CELF2: variants seen among roughly 807,000 people sequenced by gnomAD.
CELF2 encodes the protein CUGBP Elav-like family member 2, also known as CUG triplet repeat RNA-binding protein 2.
CELF2 carries 8 observed loss-of-function variants against 62.6 expected under a neutral mutation model. That is an observed-to-expected ratio of 0.13 (90% CI 0.07 to 0.23). The LOEUF (loss-of-function observed/expected upper bound fraction) is 0.23. Among genes scored for constraint, CELF2 ranks in the 10% least tolerant of loss-of-function variants. The pLI, the probability that CELF2 is intolerant of heterozygous loss-of-function variation, is 1.00. For synonymous variants in CELF2, 258 were observed against 250.0 expected (o/e 1.03, Z -0.30); for missense variants, 333 against 671.0 (o/e 0.50, Z 5.56).
At chr10:10,956,325 C>T (rs570650482) in intron 2 of CELF2, among the ~76,000 whole-genome samples, 24 of 152,262 alleles carry the variant, frequency 1.6e-4, no homozygotes, top group African/African-American at 5.8e-4. Context: ...CTTTAAAATG[C>T]TTTTCTGGAG....
chr10:10,705,803 A>G, the CELF2 span, among the ~76,000 whole-genome samples: 6 of 152,216 alleles, frequency 3.9e-5, no homozygotes, highest in Non-Finnish European at 7.3e-5. Context: ...ATTCACCTGT[A>G]GAAGTCTGTG....
the CELF2 span, among the ~76,000 whole-genome samples, chr10:10,593,664 G>A: frequency 6.6e-6 from 1 of 152,160 alleles, no homozygotes; most frequent in African/African-American, 2.4e-5. Context: ...ATACGCTAAG[G>A]AAATAGGACA....
At chr10:10,583,948 A>G in the CELF2 span, among the ~76,000 whole-genome samples, 2 of 152,156 alleles carry the variant, frequency 1.3e-5, no homozygotes, top group African/African-American at 2.4e-5. Flanking sequence ...AAGGTGTCTA[A>G]AAAGGATCCA....
intron 2 of CELF2, among the ~76,000 whole-genome samples, chr10:10,954,471 C>G (rs2135815979): frequency 6.6e-6 from 1 of 152,200 alleles, no homozygotes; most frequent in South Asian, 2.1e-4. Context: ...AGGTCCCGAA[C>G]TCCTGACCTT....
At chr10:10,862,500 T>A (rs908436997) in intron 1 of CELF2, among the ~76,000 whole-genome samples, 2 of 152,242 alleles carry the variant, frequency 1.3e-5, no homozygotes, top group Non-Finnish European at 2.9e-5. Flanking sequence ...GGTACCTGAT[T>A]GGTTCACCCC....
intron 2 of CELF2, among the ~76,000 whole-genome samples, chr10:10,980,679 G>A (rs1489543028): frequency 2.0e-5 from 3 of 152,168 alleles, no homozygotes; most frequent in Admixed American, 6.5e-5. Flanking sequence ...TCTCGCACCC[G>A]CACAGGTTAT....
chr10:11,002,705 G>A (rs2054641643), upstream of CELF2, among the ~76,000 whole-genome samples: 2 of 152,202 alleles, frequency 1.3e-5, no homozygotes, highest in African/African-American at 4.8e-5. The surrounding 1 kb of genome is among the most constrained non-coding windows in gnomAD (Gnocchi z 4.4). Flanking sequence ...ATTGCTAAAT[G>A]TGAAAAGGTC....
At chr10:10,801,184 C>T (rs1402247662) in intron 1 of CELF2, among the ~76,000 whole-genome samples, 2 of 152,088 alleles carry the variant, frequency 1.3e-5, no homozygotes, top group African/African-American at 2.4e-5. Flanking sequence ...ACTGGCAAGA[C>T]CTGGGAAAGA....
At chr10:11,253,267 T>C (rs1489507056) in intron 4 of CELF2, among the ~76,000 whole-genome samples, 4 of 152,206 alleles carry the variant, frequency 2.6e-5, no homozygotes, top group Admixed American at 2.6e-4. Context: ...TGGGGGTCTT[T>C]AACGCCTAGA....
the CELF2 span, among the ~76,000 whole-genome samples, chr10:10,537,613 G>A: frequency 6.6e-6 from 1 of 152,140 alleles, no homozygotes; most frequent in Non-Finnish European, 1.5e-5. Flanking sequence ...TCCTTGGGGT[G>A]ATCCTGGAAG....
At chr10:10,802,233 A>G (rs1474971305) in intron 1 of CELF2, among the ~76,000 whole-genome samples, 1 of 152,216 alleles carries the variant, frequency 6.6e-6, no homozygotes, top group East Asian at 1.9e-4. Flanking sequence ...GCACTTTGGG[A>G]CACCGAGGCA....
chr10:11,175,170 G>A (rs920129571), intron 2 of CELF2, among the ~76,000 whole-genome samples: 1 of 152,106 alleles, frequency 6.6e-6, no homozygotes, highest in African/African-American at 2.4e-5. Context: ...TCCTAACTAG[G>A]CCACTGTACC....
rs148094391 is a variant in CELF2, at chr10:10,953,664, G to T, written c.89+33665G>T. Among the ~76,000 whole-genome samples the T allele has an allele frequency of 1.6e-3, 245 of 152,214 alleles. 2 individuals carry two copies. Among genetic ancestry groups the T allele is most frequent in the African/African-American group, 5.7e-3 (236 of 41,540 alleles). On this transcript the variant is annotated intron_variant, in intron 2 of 13. Transcript: ENST00000636488. ...AATAAACTTAGAAGGAACCATGGGAGAATTCTTTCATGATATCAGAATGGG... is the reference window on the plus strand; with the variant it reads ...AATAAACTTAGAAGGAACCATGGGATAATTCTTTCATGATATCAGAATGGG...
the CELF2 span, among the ~76,000 whole-genome samples, chr10:10,714,877 TAA>T: frequency 2.1e-5 from 3 of 145,962 alleles, no homozygotes; most frequent in African/African-American, 7.5e-5. Flanking sequence ...AAGCCTTATT[TAA>T]AAAAAAAAAA....
intron 8 of CELF2, among the ~76,000 whole-genome samples, chr10:11,284,996 G>GTA (rs2090719184): frequency 8.9e-6 from 1 of 112,690 alleles, no homozygotes; most frequent in Non-Finnish European, 1.9e-5. Flanking sequence ...AGATGGATGT[G>GTA]TGGATGACGG....
At chr10:10,674,709 G>T in the CELF2 span, among the ~76,000 whole-genome samples, 1 of 151,844 alleles carries the variant, frequency 6.6e-6, no homozygotes, top group Non-Finnish European at 1.5e-5. Flanking sequence ...TACCTTATTA[G>T]TGGTTGCCTT....
the CELF2 span, among the ~76,000 whole-genome samples, chr10:10,661,695 C>T: frequency 6.6e-6 from 1 of 152,018 alleles, no homozygotes; most frequent in Non-Finnish European, 1.5e-5. Flanking sequence ...ATTTAGTTAC[C>T]ACGTTTCTAG....
At chr10:10,669,116 T>C in the CELF2 span, among the ~76,000 whole-genome samples, 1 of 152,166 alleles carries the variant, frequency 6.6e-6, no homozygotes, top group South Asian at 2.1e-4. Flanking sequence ...GGCAGCTCAG[T>C]AGTGGTTTGG....
Position 11,080,017 on chromosome 10 carries a change from C to T in CELF2, c.74+61854C>T, listed in dbSNP as rs530692722. The stretch of plus-strand genomic sequence containing the variant: ...AGATTATAAACTGTTGTGAATTGCT[C>T]TCCGGTTTATAAATGTTTTAGCCAT... On this transcript the variant is annotated intron_variant, in intron 1 of 12. Transcript: ENST00000633077. Among the ~76,000 whole-genome samples, 10 of 152,200 alleles carry T rather than the reference C, an allele frequency of 6.6e-5. No homozygotes were observed. The East Asian group carries it at 1.7e-3, about 26-fold the overall frequency.
Sources: gnomAD v4.1 joint callset for allele counts (sites outside exome capture counted in the v4.1 genomes callset) on GRCh38, gnomAD v4.1.1 for gene constraint, Gnocchi (gnomAD v3.1) non-coding constraint, MANE v1.5 for transcripts, NCBI Gene and HGNC (gene_info 2026-07-23, HGNC 2026-07-21) for gene names.